CLSTN2: variants seen among roughly 807,000 people sequenced by gnomAD.
CLSTN2 encodes the protein calsyntenin-2.
CLSTN2 carries 48 observed loss-of-function variants against 101.2 expected under a neutral mutation model. That is an observed-to-expected ratio of 0.47 (90% confidence interval 0.38 to 0.60). The LOEUF (loss-of-function observed/expected upper bound fraction) is 0.60, where lower values mean the gene tolerates loss of function less well. Ranked by LOEUF, CLSTN2 falls within the 20% of genes least tolerant of loss-of-function variation. CLSTN2 has a pLI of 0.00. For missense variants in CLSTN2, 1,160 were observed against 1,238.2 expected (o/e 0.94, Z 0.95); for synonymous variants, 481 against 463.6 (o/e 1.04, Z -0.48).
At chr3:140,467,369 TG>T (rs1458955483) in intron 8 of CLSTN2, among the ~76,000 whole-genome samples, 1 of 152,220 alleles carries the variant, frequency 6.6e-6, no homozygotes, top group African/African-American at 2.4e-5. Context: ...CTCACTTTTC[TG>T]GGTGGCTGTG....
intron 4 of CLSTN2, among the ~76,000 whole-genome samples, chr3:140,410,312 A>G (rs990166144): frequency 6.6e-5 from 10 of 151,782 alleles, no homozygotes; most frequent in African/African-American, 2.4e-4. Context: ...AAAAACATAT[A>G]CATGGGAACC....
intron 1 of CLSTN2, among the ~76,000 whole-genome samples, chr3:139,988,347 G>T (rs1280726819): frequency 6.6e-6 from 1 of 151,578 alleles, no homozygotes; most frequent in African/African-American, 2.4e-5. Context: ...AAACTTCACA[G>T]GTTAAAATTT....
intron 2 of CLSTN2, among the ~76,000 whole-genome samples, chr3:140,264,413 TATATATATA>T (rs2086678374): frequency 1.7e-5 from 1 of 57,284 alleles, no homozygotes; most frequent in Admixed American, 1.5e-4. Context: ...TATATATATA[TATATATATA>T]TATATAAAAT....
chr3:140,112,094 G>A (rs1449763455), intron 1 of CLSTN2, among the ~76,000 whole-genome samples: 1 of 152,172 alleles, frequency 6.6e-6, no homozygotes, highest in African/African-American at 2.4e-5. Flanking sequence ...GAATTGGAAG[G>A]AATTCTTCAT....
At chr3:139,954,150 C>T (rs116128759) in intron 1 of CLSTN2, among the ~76,000 whole-genome samples, 1,780 of 152,160 alleles carry the variant, frequency 0.012, 32 homozygotes, top group African/African-American at 0.04. Flanking sequence ...AAGTTGGTCC[C>T]TGTTGTTTCC....
intron 1 of CLSTN2, among the ~76,000 whole-genome samples, chr3:140,105,457 G>T (rs913590863): frequency 6.6e-6 from 1 of 152,186 alleles, no homozygotes; most frequent in Admixed American, 6.5e-5. Flanking sequence ...AGTAGCCTCT[G>T]TTCCCTCTCT....
Position 140,226,845 on chromosome 3 carries a change from A to C in CLSTN2, c.232+50772A>C, listed in dbSNP as rs186995705. Among the ~76,000 whole-genome samples the C allele has an allele frequency of 1.4e-3, 206 of 151,132 alleles. 1 individual carries two copies. The highest frequency in any genetic ancestry group is 0.01 in the South Asian group (50 of 4,770). ...ATGGCAGCAAAGGGAGAGTTTGTGCAAAAAAAAACTCCCATTTTTAAAACC... is the reference window on the plus strand; with the variant it reads ...ATGGCAGCAAAGGGAGAGTTTGTGCCAAAAAAAACTCCCATTTTTAAAACC... On this transcript the variant is annotated intron_variant, in intron 2 of 16. Transcript: ENST00000458420.
intron 1 of CLSTN2, among the ~76,000 whole-genome samples, chr3:139,989,785 A>C (rs1197417885): frequency 2.0e-5 from 3 of 152,120 alleles, no homozygotes; most frequent in Non-Finnish European, 4.4e-5. Context: ...GGCTTTTCCC[A>C]CCACCCGGCC....
intron 1 of CLSTN2, among the ~76,000 whole-genome samples, chr3:140,006,263 C>G (rs2006952686): frequency 6.6e-6 from 1 of 152,106 alleles, no homozygotes. Context: ...TTGTTTAATT[C>G]TGAAAAAGAA....
intron 1 of CLSTN2, among the ~76,000 whole-genome samples, chr3:139,939,756 G>C (rs113252905): frequency 6.6e-6 from 1 of 152,192 alleles, no homozygotes; most frequent in Non-Finnish European, 1.5e-5. Context: ...ATGGTGGATT[G>C]TTCTAAGTCA....
At chr3:140,491,725 G>A (rs1057131412) in intron 8 of CLSTN2, among the ~76,000 whole-genome samples, 3 of 152,174 alleles carry the variant, frequency 2.0e-5, no homozygotes, top group Non-Finnish European at 2.9e-5. Flanking sequence ...AGGAGGCTGA[G>A]GTGGGAGAAT....
At chr3:140,225,943 A>G (rs2086315852) in intron 2 of CLSTN2, among the ~76,000 whole-genome samples, 1 of 152,166 alleles carries the variant, frequency 6.6e-6, no homozygotes, top group African/African-American at 2.4e-5. Context: ...CTAAAAGAAT[A>G]TGTTTTCTTC....
chr3:140,009,657 A>G (rs560225423), intron 1 of CLSTN2, among the ~76,000 whole-genome samples: 46 of 152,290 alleles, frequency 3.0e-4, no homozygotes, highest in African/African-American at 9.6e-4. Context: ...TTATATTGGC[A>G]TGTCTTATTT....
chr3:140,519,604 T>TTC (rs568759877), intron 8 of CLSTN2, among the ~76,000 whole-genome samples: 1 of 152,082 alleles, frequency 6.6e-6, no homozygotes, highest in African/African-American at 2.4e-5. Context: ...TCTTTTTTTT[T>TTC]CTTTATTGGT....
intron 1 of CLSTN2, among the ~76,000 whole-genome samples, chr3:140,082,167 G>C (rs773597599): frequency 1.3e-5 from 2 of 152,178 alleles, no homozygotes; most frequent in Admixed American, 6.5e-5. Flanking sequence ...CTGTCCCCTA[G>C]AGCAGGAGAA....
intron 1 of CLSTN2, among the ~76,000 whole-genome samples, chr3:139,955,915 A>T (rs1285718393): frequency 1.3e-5 from 2 of 152,168 alleles, no homozygotes; most frequent in Non-Finnish European, 2.9e-5. Flanking sequence ...GGCTGGAGAG[A>T]TGTGCAGTGA....
At chr3:140,124,148 T>C (rs2009392086) in intron 1 of CLSTN2, among the ~76,000 whole-genome samples, 1 of 151,988 alleles carries the variant, frequency 6.6e-6, no homozygotes, top group Non-Finnish European at 1.5e-5. Context: ...GAGAATAGCA[T>C]CCTAGGGAGA....
intron 1 of CLSTN2, among the ~76,000 whole-genome samples, chr3:140,037,466 C>T (rs912989692): frequency 3.3e-5 from 5 of 150,950 alleles, no homozygotes; most frequent in South Asian, 2.1e-4. Flanking sequence ...TGTAAAATCT[C>T]GTATTTAAAA....
intron 2 of CLSTN2, among the ~76,000 whole-genome samples, chr3:140,357,627 T>C (rs2087685321): frequency 6.6e-6 from 1 of 152,008 alleles, no homozygotes; most frequent in African/African-American, 2.4e-5. Context: ...GCAGGAACAC[T>C]GAGCCCAGGC....
Sources: allele counts gnomAD v4.1 joint callset (sites outside exome capture counted in the v4.1 genomes callset), GRCh38; gene constraint gnomAD v4.1.1; transcripts MANE v1.5; gene names NCBI Gene and HGNC (gene_info 2026-07-23, HGNC 2026-07-21).